DRD3: variants seen among roughly 807,000 people sequenced by gnomAD.
The protein encoded by DRD3 is D(3) dopamine receptor.
Under a neutral mutation model 36.3 loss-of-function variants are expected in DRD3, and 19 were observed. That is an observed-to-expected ratio of 0.52 (90% CI 0.36 to 0.77). The LOEUF is 0.77. Among genes scored for constraint, DRD3 ranks in the 30% least tolerant of loss-of-function variants. The pLI is 0.00. For synonymous variants in DRD3, 195 were observed against 203.7 expected (o/e 0.96, Z 0.36); for missense variants, 465 against 505.3 (o/e 0.92, Z 0.77).
At chr3:114,150,723 C>A (rs567775117) in intron 3 of DRD3, among the ~76,000 whole-genome samples, 1 of 152,182 alleles carries the variant, frequency 6.6e-6, no homozygotes, top group African/African-American at 2.4e-5. Context: ...CCTTGTTGTG[C>A]ACCTCAAGGC....
Position 114,130,674 on chromosome 3 carries a change from C to T in DRD3, c.1006+444G>A, listed in dbSNP as rs189377664. ...TCCTGACCTCGTGATCTGCCCACCTCGGCCTCCCAAAGTGCTGGAATTACA... is the reference window on the plus strand; with the variant it reads ...TCCTGACCTCGTGATCTGCCCACCTTGGCCTCCCAAAGTGCTGGAATTACA... On this transcript the variant is annotated intron_variant, in intron 6 of 6. Transcript: ENST00000383673. Among the ~76,000 whole-genome samples, 436 of 152,230 alleles carry T rather than the reference C, an allele frequency of 2.9e-3. 2 individuals carry two copies. The highest frequency in any genetic ancestry group is 8.7e-3 in the African/African-American group (361 of 41,534).
chr3:114,171,102 A>G (rs1282044922), intron 2 of DRD3, among the ~76,000 whole-genome samples: 1 of 152,188 alleles, frequency 6.6e-6, no homozygotes, highest in Non-Finnish European at 1.5e-5. Flanking sequence ...TCTCTCTGGC[A>G]AAGGCTCTGT....
At chr3:114,148,901 T>C (rs1386911334) in intron 3 of DRD3, among the ~76,000 whole-genome samples, 2 of 152,084 alleles carry the variant, frequency 1.3e-5, no homozygotes, top group Non-Finnish European at 2.9e-5. Context: ...TTAGCAGAGA[T>C]GGGGTTTCAT....
At position 114,128,596 on chromosome 3, in the gene DRD3, A is replaced by G. The variant is rs2077397579; in HGVS notation, c.*120T>C. 2 of 1,021,978 alleles carry G rather than the reference A, an allele frequency of 2.0e-6. No individual in the cohort carries two copies. Among genetic ancestry groups the G allele is most frequent in the Admixed American group, 5.4e-5 (2 of 37,126 alleles). The allele number at this position is 1,021,978 out of a possible 1,614,324, so 63.3% of individuals were successfully genotyped here. A position where few individuals can be genotyped will look rare whatever the true frequency, so the allele number is the denominator to read the frequency against. On this transcript the variant is annotated 3_prime_UTR_variant, in exon 7 of 7. Coordinates refer to ENST00000383673, the MANE Select transcript of DRD3 (RefSeq NM_000796.6). ...CTGGTTATACCTGACAAGCAGGGACATCCTGGCTCCAGGAATCTTCTTCCT... is the reference window on the plus strand; with the variant it reads ...CTGGTTATACCTGACAAGCAGGGACGTCCTGGCTCCAGGAATCTTCTTCCT...
intron 4 of DRD3, among the ~76,000 whole-genome samples, chr3:114,145,628 GA>G (rs1274071798): frequency 6.6e-6 from 1 of 152,182 alleles, no homozygotes; most frequent in Non-Finnish European, 1.5e-5. Context: ...AAATCTCTCT[GA>G]AGAAGTTGGA....
chr3:114,131,298 A>T lies in DRD3; in HGVS notation c.826T>A (p.Leu276Met). The change falls in exon 6 of 7, where the codon TTG becomes ATG. Residue 276 changes from leucine (L) to methionine (M), a missense_variant. By Grantham distance (15) the Leu-to-Met change is conservative. Coordinates refer to ENST00000383673, the MANE Select transcript of DRD3 (RefSeq NM_000796.6). ...GPGFQERGGE[L>M]KREEKTRNSL... ...TTCCGAGTCTTCTCCTCTCTTTTCA[A>T]CTCTCCTCCTCTTTCTTGGAAGCCT... 6.2e-7 allele frequency: 1 copy of T among 1,613,146 alleles called. No homozygotes were observed. Among genetic ancestry groups the T allele is most frequent in the African/African-American group, 1.3e-5 (1 of 74,626 alleles).
chr3:114,199,084 T>C (rs918262805), intron 1 of DRD3, among the ~76,000 whole-genome samples: 1 of 152,254 alleles, frequency 6.6e-6, no homozygotes, highest in Non-Finnish European at 1.5e-5. Flanking sequence ...AAATTCTTAC[T>C]GTTTCATTTT....
At chr3:114,190,882 T>C (rs536829102) in intron 1 of DRD3, among the ~76,000 whole-genome samples, 1 of 152,064 alleles carries the variant, frequency 6.6e-6, no homozygotes, top group South Asian at 2.1e-4. Flanking sequence ...GCTGTGTGTA[T>C]GGAAAAGGAA....
Position 114,159,792 on chromosome 3 carries a change from C to T in DRD3, c.346G>A (p.Ala116Thr). Residue 116 changes from alanine to threonine, a missense_variant, in exon 3 of 7, where the codon GCC (alanine) becomes ACC (threonine). Transcript: ENST00000383673. ...FVTLDVMMCTASILNLCAISI... is the reference protein window; with the variant it reads ...FVTLDVMMCTTSILNLCAISI... The stretch of plus-strand genomic sequence containing the variant: ...ATGGCACAGAGATTAAGGATGCTGG[C>T]TGTACACATCATGACATCCAGGGTG... The T allele has an allele frequency of 6.2e-7, 1 of 1,614,100 alleles. No homozygotes were observed. The highest frequency in any genetic ancestry group is 8.5e-7 in the Non-Finnish European group (1 of 1,179,986).
chr3:114,140,680 C>T (rs999212060), intron 4 of DRD3, among the ~76,000 whole-genome samples: 2 of 152,188 alleles, frequency 1.3e-5, no homozygotes, highest in Non-Finnish European at 1.5e-5. Flanking sequence ...TATGTTCTTG[C>T]AGCCAGTTTT....
intron 1 of DRD3, among the ~76,000 whole-genome samples, chr3:114,191,521 A>G (rs186398216): frequency 6.6e-6 from 1 of 152,288 alleles, no homozygotes; most frequent in African/African-American, 2.4e-5. Flanking sequence ...AGGAGTTTGC[A>G]TTTTATTCTA....
chr3:114,178,109 C>G lies in DRD3; in HGVS notation c.-36+548G>C, dbSNP rs561693705. Among the ~76,000 whole-genome samples, 21 of 152,200 alleles carry G rather than the reference C, an allele frequency of 1.4e-4. 1 individual carries two copies. The South Asian group carries it at 4.2e-3, about 30-fold the overall frequency. ...AAGTCTCACAATTAAATAACAATAC[C>G]CTAAAAATCATATACCATCATCAAA... On this transcript the variant is annotated intron_variant, in intron 1 of 6. Coordinates refer to ENST00000383673, the MANE Select transcript of DRD3 (RefSeq NM_000796.6).
At chr3:114,159,902 C>A (rs1303974550) in intron 2 of DRD3, 35 bp from the exon 3 acceptor site, 2 of 1,596,062 alleles carry the variant, frequency 1.3e-6, no homozygotes, top group Admixed American at 3.3e-5. Flanking sequence ...AGTGTTTACC[C>A]CAGTGAAGGA....
At chr3:114,197,944 A>G (rs1023791061) in intron 1 of DRD3, among the ~76,000 whole-genome samples, 1 of 152,174 alleles carries the variant, frequency 6.6e-6, no homozygotes, top group African/African-American at 2.4e-5. Context: ...TTCCATATGA[A>G]CTTTAAAACC....
chr3:114,146,702 A>C (rs2077572628), intron 4 of DRD3, among the ~76,000 whole-genome samples: 1 of 150,600 alleles, frequency 6.6e-6, no homozygotes, highest in Non-Finnish European at 1.5e-5. Context: ...TGGTCTCAAA[A>C]AAAAAAAAAA....
At chr3:114,165,324 G>A (rs1284317281) in intron 2 of DRD3, among the ~76,000 whole-genome samples, 1 of 152,048 alleles carries the variant, frequency 6.6e-6, no homozygotes, top group Non-Finnish European at 1.5e-5. Flanking sequence ...AACAAAATTT[G>A]GGAGGCTGAG....
At chr3:114,170,019 T>C (rs1218704352) in intron 2 of DRD3, among the ~76,000 whole-genome samples, 5 of 152,164 alleles carry the variant, frequency 3.3e-5, no homozygotes, top group African/African-American at 1.2e-4. Context: ...GACTTAACAT[T>C]CCTTGGAACA....
At chr3:114,174,204 G>A (rs1266482274) in intron 1 of DRD3, among the ~76,000 whole-genome samples, 1 of 152,172 alleles carries the variant, frequency 6.6e-6, no homozygotes, top group Non-Finnish European at 1.5e-5. Flanking sequence ...AGAGCTTTTG[G>A]AAAAATACAA....
intron 1 of DRD3, among the ~76,000 whole-genome samples, chr3:114,176,546 A>T (rs1370833098): frequency 1.3e-5 from 2 of 152,166 alleles, no homozygotes; most frequent in African/African-American, 4.8e-5. Flanking sequence ...TAGAGGCTGC[A>T]GTGAACTATA....
Sources: allele counts gnomAD v4.1 joint callset (sites outside exome capture counted in the v4.1 genomes callset), GRCh38; gene constraint gnomAD v4.1.1; transcripts MANE v1.5; gene names NCBI Gene and HGNC (gene_info 2026-07-23, HGNC 2026-07-21).